Variants in EVC observed in about 807,000 individuals in gnomAD.
EVC encodes EvC ciliary complex subunit 1.
In EVC, 116 loss-of-function variants were observed where a neutral mutation model predicts 118.9. The observed-to-expected ratio is 0.98, with a 90% CI of 0.84 to 1.14. The LOEUF (loss-of-function observed/expected upper bound fraction) is 1.14. Among genes scored for constraint, EVC ranks in the 50% most tolerant of loss-of-function variants. EVC has a pLI of 0.00. For synonymous variants in EVC, 619 were observed against 534.7 expected, an observed-to-expected ratio of 1.16 and a Z score of -2.18; for missense variants, 1,401 against 1,246.4, an observed-to-expected ratio of 1.12 and a Z score of -1.87.
At chr4:5,777,155 T>A (rs1577536394) in intron 11 of EVC, among the ~76,000 whole-genome samples, 2 of 152,300 alleles carry the variant, frequency 1.3e-5, no homozygotes, top group South Asian at 4.1e-4. Context: ...ACAATGATAC[T>A]GTCCTTCTCC....
chr4:5,769,079 C>T (rs1733513673), intron 11 of EVC, among the ~76,000 whole-genome samples: 1 of 152,082 alleles, frequency 6.6e-6, no homozygotes, highest in South Asian at 2.1e-4. Context: ...AATTTGTTCT[C>T]ACACTTGTAA....
rs1156976962 is a variant in EVC at position 5,798,002 on chromosome 4, G to T, written c.2098-584G>T. On this transcript the variant is annotated intron_variant, in intron 14 of 20. Transcript: ENST00000264956. The surrounding 1 kb of genome is among the most constrained non-coding windows in gnomAD (Gnocchi z 4.1). ...TAGCCACCAAGCTCTGGGAGCAGCT[G>T]CTGCTCTTTGACCCATGAATGAGGC... 6.6e-6 allele frequency among the ~76,000 whole-genome samples: 1 copy of T among 152,216 alleles called. No individual in the cohort carries two copies. Among genetic ancestry groups the T allele is most frequent in the Non-Finnish European group, 1.5e-5 (1 of 68,044 alleles).
chr4:5,810,490 T>A, intron 20 of EVC, 40 bp downstream of exon 20: 1 of 1,493,954 alleles, frequency 6.7e-7, no homozygotes, highest in Non-Finnish European at 9.2e-7. Context: ...TGGCTGGGTT[T>A]GGTAAATGCA....
At position 5,804,751 on chromosome 4, in the gene EVC, A is replaced by C; in HGVS notation, c.2471A>C (p.Lys824Thr). Reference sequence around the variant, plus strand: ...CTAGGTGAGAGGATGGAAAATTACAAACTGCGGAAAAAGCAAGAACTCAGC... The same window carrying C: ...CTAGGTGAGAGGATGGAAAATTACACACTGCGGAAAAAGCAAGAACTCAGC... ...TLQGERMENY[K>T]LRKKQELSNP... Residue 824 changes from lysine to threonine, a missense_variant, in exon 17 of 21, where the codon AAA (lysine) becomes ACA (threonine). Lys to Thr is a moderately conservative substitution (Grantham distance 78). Transcript: ENST00000264956. 6.2e-7 allele frequency: 1 copy of C among 1,614,128 alleles called. No individual in the cohort carries two copies. The highest frequency in any genetic ancestry group is 8.5e-7 in the Non-Finnish European group (1 of 1,180,020).
rs750816331 is a variant in EVC at position 5,752,937 on chromosome 4, C to T, written c.1200C>T (p.Ile400=). The T allele has an allele frequency of 6.2e-7, 1 of 1,614,130 alleles. No individual in the cohort carries two copies. Among genetic ancestry groups the T allele is most frequent in the Admixed American group, 1.7e-5 (1 of 60,038 alleles). ...AGACCAGGTGCCGGCTGGCTGCCAT[C>T]TCCCACGGCCTGGAGCTGCTGGCTG... ...QEETRCRLAA[I]SHGLELLAGE... is the part of the protein sequence containing the mutation. The change falls in exon 9 of 21, where the codon ATC becomes ATT. Residue 400 remains isoleucine, a synonymous_variant. Coordinates refer to ENST00000264956, the MANE Select transcript of EVC (RefSeq NM_153717.3).
chr4:5,719,184 C>CGTGAAGT lies in EVC; in HGVS notation c.175-64_175-63insGTGAAGT. ...TGACTGGCAAAAGTCACGGTGGGGA[C>CGTGAAGT]CAGGCCGACTGACCTCAATGTTGTG... On this transcript the variant is annotated intron_variant, in intron 1 of 20. Coordinates refer to ENST00000264956, the MANE Select transcript of EVC (RefSeq NM_153717.3). This position sits in a 1 kb window ranked among gnomAD's most constrained non-coding sequence, Gnocchi z 4.7. 8 of 1,610,236 alleles carry CGTGAAGT rather than the reference C, an allele frequency of 5.0e-6. No homozygotes were observed. Among genetic ancestry groups the CGTGAAGT allele is most frequent in the Non-Finnish European group, 6.8e-6 (8 of 1,177,366 alleles).
Position 5,738,603 on chromosome 4 carries a change from C to T in EVC, c.703-3113C>T, listed in dbSNP as rs1728040431. On this transcript the variant is annotated intron_variant, in intron 5 of 20. Transcript: ENST00000264956. The surrounding 1 kb of genome is among the most constrained non-coding windows in gnomAD (Gnocchi z 6.5). ...AGACCCTCCACCAGCTAAAAGATTA[C>T]AACTTTTTTTTTTTTTTTAAGACGG... Among the ~76,000 whole-genome samples the T allele has an allele frequency of 6.6e-6, 1 of 151,418 alleles. No individual in the cohort carries two copies. Among genetic ancestry groups the T allele is most frequent in the South Asian group, 2.1e-4 (1 of 4,768 alleles).
At chr4:5,732,496 C>T (rs988768949) in intron 4 of EVC, among the ~76,000 whole-genome samples, 16 of 152,202 alleles carry the variant, frequency 1.1e-4, no homozygotes, top group South Asian at 2.1e-4. Flanking sequence ...GGATTTGAAA[C>T]GGTTTGGGTG....
At chr4:5,769,539 C>T (rs897708042) in intron 11 of EVC, among the ~76,000 whole-genome samples, 3 of 152,140 alleles carry the variant, frequency 2.0e-5, no homozygotes, top group Non-Finnish European at 2.9e-5. Context: ...GCTGTGCGAT[C>T]GCGTGAGCTC....
Position 5,719,467 on chromosome 4 carries a change from AG to A in EVC, c.300+95del. 1 of 1,586,506 alleles carries A rather than the reference AG, an allele frequency of 6.3e-7. No individual in the cohort carries two copies. The highest frequency in any genetic ancestry group is 8.6e-7 in the Non-Finnish European group (1 of 1,157,910). ...GGTGTCATGTAGACAAGCCTCTGAC[AG>A]ATATAGTTTCCCAATGGGCTGCTTT... On this transcript the variant is annotated intron_variant, in intron 2 of 20. Coordinates refer to ENST00000264956, the MANE Select transcript of EVC (RefSeq NM_153717.3). The surrounding 1 kb of genome is among the most constrained non-coding windows in gnomAD (Gnocchi z 4.7).
At chr4:5,767,528 A>C (rs1033786291) in intron 11 of EVC, among the ~76,000 whole-genome samples, 1 of 151,004 alleles carries the variant, frequency 6.6e-6, no homozygotes, top group Non-Finnish European at 1.5e-5. Flanking sequence ...TTGATCTCAG[A>C]CTGCTGTGCT....
intron 11 of EVC, among the ~76,000 whole-genome samples, chr4:5,769,804 AAG>A (rs1240004172): frequency 6.6e-6 from 1 of 152,132 alleles, no homozygotes; most frequent in Non-Finnish European, 1.5e-5. Flanking sequence ...GGCTGAGAAA[AAG>A]AGAAAACACT....
intron 19 of EVC, among the ~76,000 whole-genome samples, chr4:5,809,855 G>A (rs1026724175): frequency 2.0e-5 from 3 of 152,146 alleles, no homozygotes; most frequent in Non-Finnish European, 4.4e-5. Context: ...TCTCCTAACT[G>A]ACTCCATTTT....
At chr4:5,808,159 CT>C (rs1716279885) in intron 17 of EVC, 41 bp from the exon 18 acceptor site, 2 of 1,265,938 alleles carry the variant, frequency 1.6e-6, no homozygotes, top group Non-Finnish European at 2.2e-6. Context: ...CCCTCCCTCC[CT>C]TCCTTCCTCC....
In EVC at chr4:5,755,248, T is replaced by C. The variant is rs1730981037; in HGVS notation, c.1465-1016T>C. 1.3e-5 allele frequency among the ~76,000 whole-genome samples: 2 copies of C among 152,138 alleles called. No homozygotes were observed. The highest frequency in any genetic ancestry group is 4.8e-5 in the African/African-American group (2 of 41,424). On this transcript the variant is annotated intron_variant, in intron 10 of 20. Transcript: ENST00000264956. This position sits in a 1 kb window ranked among gnomAD's most constrained non-coding sequence, Gnocchi z 4.1. ...CTGTCCTTGATGTCACAGAGCCCAGTGTGAGTCCAGAGTGTGGAGACAGTG... is the reference window on the plus strand; with the variant it reads ...CTGTCCTTGATGTCACAGAGCCCAGCGTGAGTCCAGAGTGTGGAGACAGTG...
chr4:5,805,537 T>G (rs1401196225), intron 17 of EVC, among the ~76,000 whole-genome samples: 1 of 152,144 alleles, frequency 6.6e-6, no homozygotes, highest in African/African-American at 2.4e-5. Context: ...TCCTCAGATG[T>G]GGGGCGCAGA....
Position 5,735,553 on chromosome 4 carries a change from G to A in EVC, c.702+2118G>A, listed in dbSNP as rs75201694. 8.5e-3 allele frequency among the ~76,000 whole-genome samples: 1,292 copies of A among 152,316 alleles called. 16 individuals carry two copies. Among genetic ancestry groups the A allele is most frequent in the African/African-American group, 0.028 (1,179 of 41,570 alleles). On this transcript the variant is annotated intron_variant, in intron 5 of 20. Transcript: ENST00000264956. ...ACTCTGGGCTCCATATCACAGCTGT[G>A]TGGCTGGCATGGTCACAGCAGTGAT...
rs182843983 is a variant in EVC at position 5,731,167 on chromosome 4, T to C, written c.385-258T>C. On this transcript the variant is annotated intron_variant, in intron 3 of 20. Transcript: ENST00000264956. The surrounding 1 kb of genome is among the most constrained non-coding windows in gnomAD (Gnocchi z 5.6). The stretch of plus-strand genomic sequence containing the variant: ...TGGGTGTCCGGGGCACAGATCCAGG[T>C]TGGCAGTTTAGGGGAAGGAACCTGG... Among the ~76,000 whole-genome samples the C allele has an allele frequency of 4.0e-5, 6 of 151,792 alleles. No individual in the cohort carries two copies. In the East Asian group the frequency reaches 1.2e-3, roughly 30 times the overall value.
At chr4:5,786,631 T>C (rs1260569172) in intron 12 of EVC, among the ~76,000 whole-genome samples, 1 of 152,208 alleles carries the variant, frequency 6.6e-6, no homozygotes, top group Non-Finnish European at 1.5e-5. Context: ...CCCAGCACTT[T>C]GGGAGGCCAA....
Sources: allele counts gnomAD v4.1 joint callset (sites outside exome capture counted in the v4.1 genomes callset), GRCh38; gene constraint gnomAD v4.1.1; non-coding constraint Gnocchi (gnomAD v3.1); transcripts MANE v1.5; gene names NCBI Gene and HGNC (gene_info 2026-07-23, HGNC 2026-07-21).